The following SCN9A variants were observed in gnomAD, a reference collection of about 807,000 sequenced individuals.
The protein encoded by SCN9A is sodium channel protein type 9 subunit alpha.
In SCN9A, 131 loss-of-function variants were observed where a neutral mutation model predicts 187.0. The observed-to-expected ratio is 0.70, with a 90% CI of 0.61 to 0.81. The LOEUF is 0.81. SCN9A is among the 30% of genes least tolerant of loss of function. The pLI, the probability that SCN9A is intolerant of heterozygous loss-of-function variation, is 0.00. For missense variants in SCN9A, 2,252 were observed against 2,396.6 expected (o/e 0.94, Z 1.26); for synonymous variants, 809 against 808.6 (o/e 1.00, Z -0.01).
At chr2:166,351,621 C>T (rs1574955179) in intron 1 of SCN9A, among the ~76,000 whole-genome samples, 1 of 152,226 alleles carries the variant, frequency 6.6e-6, no homozygotes, top group South Asian at 2.1e-4. Context: ...TGGAGAATTC[C>T]CTGGCTGGAT....
At chr2:166,282,780 T>A (rs1697551550) in intron 12 of SCN9A, among the ~76,000 whole-genome samples, 1 of 152,144 alleles carries the variant, frequency 6.6e-6, no homozygotes, top group South Asian at 2.1e-4. Flanking sequence ...GTATTATGCA[T>A]CTATGTGTAT....
rs200148433 is a variant in SCN9A, at chr2:166,195,467, C to G, written c.*3205G>C. 6.6e-6 allele frequency: 1 copy of G among 152,164 alleles called. No individual in the cohort carries two copies. The highest frequency in any genetic ancestry group is 1.5e-5 in the Non-Finnish European group (1 of 68,024). 9.4% of individuals were successfully genotyped at this position (152,164 alleles called of 1,614,324 possible). ...GTGGCCTTCATACATAGGTCCTAAA[C>G]CCAGGCCAATTCCCTGGCCATCCTA... is the stretch of plus-strand genomic sequence containing the variant. On this transcript the variant is annotated 3_prime_UTR_variant, in exon 27 of 27. Transcript: ENST00000642356.
chr2:166,375,700 C>T lies in SCN9A; in HGVS notation c.-54G>A, dbSNP rs1700672144. The T allele has an allele frequency of 6.6e-6, 1 of 152,380 alleles. No individual in the cohort carries two copies. Among genetic ancestry groups the T allele is most frequent in the Non-Finnish European group, 1.5e-5 (1 of 68,166 alleles). 9.4% of individuals were successfully genotyped at this position (152,380 alleles called of 1,614,324 possible). On this transcript the variant is annotated 5_prime_UTR_variant, in exon 1 of 27. Coordinates refer to ENST00000642356, the MANE Select transcript of SCN9A (RefSeq NM_001365536.1). ...CAGCAAAAGAAAAGGCACTTACTTG[C>T]AACCTAGCCCGCCGATCATCCCCAC...
chr2:166,282,412 G>A lies in SCN9A; in HGVS notation c.1975-604C>T, dbSNP rs564055711. 1.3e-3 allele frequency among the ~76,000 whole-genome samples: 205 copies of A among 152,238 alleles called. 1 individual carries two copies. The highest frequency in any genetic ancestry group is 4.7e-3 in the African/African-American group (195 of 41,566). ...GAGAATGCAAGCTACATCTGAAAGA[G>A]GTGACCTCTCTTCAGCTCTAGAAAT... On this transcript the variant is annotated intron_variant, in intron 12 of 26. Transcript: ENST00000642356.
intron 9 of SCN9A, among the ~76,000 whole-genome samples, chr2:166,288,990 C>T (rs945474518): frequency 2.0e-5 from 3 of 152,024 alleles, no homozygotes; most frequent in Non-Finnish European, 4.4e-5. Context: ...GTCCCTTTTA[C>T]TGTTAAAATT....
intron 11 of SCN9A, 92 bp downstream of exon 11, chr2:166,286,244 C>T: frequency 1.6e-6 from 2 of 1,224,930 alleles, no homozygotes; most frequent in South Asian, 1.6e-5. Flanking sequence ...AAATCACTCA[C>T]TATCCTCTCC....
intron 21 of SCN9A, 79 bp from the exon 22 acceptor site, chr2:166,229,051 A>G: frequency 4.3e-6 from 5 of 1,175,720 alleles, no homozygotes; most frequent in Non-Finnish European, 6.0e-6. Flanking sequence ...TGCCATGCAG[A>G]CATAAATAAA....
In SCN9A at chr2:166,286,396, G is replaced by C; in HGVS notation, c.1542C>G (p.Phe514Leu). ...ESEDSIRRKSFHLGVEGHRRA... is the reference protein window; with the variant it reads ...ESEDSIRRKSLHLGVEGHRRA... Reference sequence around the variant, plus strand: ...GCCTATGCCCTTCGACACCAAGGTGGAAACTTTTTCTTCTGATGCTGTCCT... The same window carrying C: ...GCCTATGCCCTTCGACACCAAGGTGCAAACTTTTTCTTCTGATGCTGTCCT... Residue 514 changes from phenylalanine (F) to leucine (L), a missense_variant, in exon 11 of 27, where the codon TTC (phenylalanine) becomes TTG (leucine). Phe to Leu is a conservative substitution (Grantham distance 22). Coordinates refer to ENST00000642356, the MANE Select transcript of SCN9A (RefSeq NM_001365536.1). 1 of 1,613,804 alleles carries C rather than the reference G, an allele frequency of 6.2e-7. No homozygotes were observed. Among genetic ancestry groups the C allele is most frequent in the Non-Finnish European group, 8.5e-7 (1 of 1,179,816 alleles).
intron 20 of SCN9A, 67 bp downstream of exon 20, chr2:166,238,027 G>A (rs931066754): frequency 1.4e-5 from 16 of 1,136,600 alleles, no homozygotes; most frequent in Non-Finnish European, 9.0e-6. Context: ...TGCAATAGTG[G>A]TGAAGGTTTT....
chr2:166,230,612 T>C (rs1254534543), intron 21 of SCN9A, among the ~76,000 whole-genome samples: 6 of 152,168 alleles, frequency 3.9e-5, no homozygotes, highest in African/African-American at 1.4e-4. Flanking sequence ...AGTCATGAAA[T>C]GTCTGAAATG....
chr2:166,256,862 C>T (rs901487049), intron 17 of SCN9A, among the ~76,000 whole-genome samples: 3 of 151,584 alleles, frequency 2.0e-5, no homozygotes, highest in African/African-American at 7.2e-5. Context: ...TCTTCTTTTT[C>T]TCAGAATCTT....
chr2:166,277,305 G>A lies in SCN9A; in HGVS notation c.2552C>T (p.Thr851Ile). Reference sequence around the variant, plus strand: ...AATGATCTTAATCAGCATGTTCAATGTTGGCCAGGATTTTGCCAACTTGAA... The same window carrying A: ...AATGATCTTAATCAGCATGTTCAATATTGGCCAGGATTTTGCCAACTTGAA... ...RVFKLAKSWP[T>I]LNMLIKIIGN... Residue 851 changes from threonine (T) to isoleucine (I), a missense_variant, in exon 16 of 27, where the codon ACA becomes ATA. By Grantham distance (89) the Thr-to-Ile change is moderately conservative (BLOSUM62 -1). This residue lies in a region of SCN9A where 119 missense variants were observed against 188.7 expected (regional missense o/e 0.63). Transcript: ENST00000642356. 6.2e-7 allele frequency: 1 copy of A among 1,611,120 alleles called. No homozygotes were observed. The highest frequency in any genetic ancestry group is 8.5e-7 in the Non-Finnish European group (1 of 1,177,512).
chr2:166,287,217 A>G (rs568199944), intron 10 of SCN9A, among the ~76,000 whole-genome samples: 18 of 152,246 alleles, frequency 1.2e-4, no homozygotes, highest in African/African-American at 4.1e-4. Context: ...AACATGGGAA[A>G]TAAAGATATA....
chr2:166,342,166 G>A (rs970121354), intron 1 of SCN9A, among the ~76,000 whole-genome samples: 1 of 152,154 alleles, frequency 6.6e-6, no homozygotes, highest in African/African-American at 2.4e-5. Flanking sequence ...AAACACATCA[G>A]CACGTATGTA....
At chr2:166,263,078 C>T (rs978372752) in intron 17 of SCN9A, among the ~76,000 whole-genome samples, 3 of 151,918 alleles carry the variant, frequency 2.0e-5, no homozygotes, top group Non-Finnish European at 4.4e-5. Flanking sequence ...TACCCTTCTC[C>T]CCTGGAAAGG....
chr2:166,253,122 C>A (rs941368374), intron 17 of SCN9A, among the ~76,000 whole-genome samples: 10 of 151,820 alleles, frequency 6.6e-5, no homozygotes, highest in African/African-American at 2.4e-4. Flanking sequence ...GACTTGGAAG[C>A]TAGAAGTATT....
intron 1 of SCN9A, among the ~76,000 whole-genome samples, chr2:166,370,223 A>T (rs79417925): frequency 3.3e-5 from 4 of 121,060 alleles, no homozygotes. Context: ...TAATAATAAT[A>T]ATAATAATAA....
intron 14 of SCN9A, among the ~76,000 whole-genome samples, chr2:166,278,696 T>C (rs1697345479): frequency 6.6e-6 from 1 of 152,222 alleles, no homozygotes; most frequent in African/African-American, 2.4e-5. Context: ...TACTGAAATT[T>C]TGAGCCAGTC....
intron 17 of SCN9A, among the ~76,000 whole-genome samples, chr2:166,255,053 G>A (rs757427691): frequency 6.6e-6 from 1 of 150,930 alleles, no homozygotes; most frequent in Non-Finnish European, 1.5e-5. Flanking sequence ...CAAAATAAAA[G>A]TTCCCTCCAC....
Sources: allele counts gnomAD v4.1 joint callset (sites outside exome capture counted in the v4.1 genomes callset), GRCh38; gene constraint gnomAD v4.1.1; regional missense constraint gnomAD v4.1.1; transcripts MANE v1.5; gene names NCBI Gene and HGNC (gene_info 2026-07-23, HGNC 2026-07-21).